Variants in ABLIM1 observed in about 807,000 individuals in gnomAD.
ABLIM1 encodes actin-binding LIM protein 1.
Under a neutral mutation model 107.0 loss-of-function variants are expected in ABLIM1, and 40 were observed. That is an observed-to-expected ratio of 0.37 (90% CI 0.29 to 0.49). ABLIM1 has a LOEUF of 0.49. Among genes scored for constraint, ABLIM1 ranks in the 20% least tolerant of loss-of-function variants. The pLI, the probability that ABLIM1 is intolerant of heterozygous loss-of-function variation, is 0.97. For missense variants in ABLIM1, 857 were observed against 1,008.5 expected, an observed-to-expected ratio of 0.85 and a Z score of 2.04; for synonymous variants, 357 against 357.3, an observed-to-expected ratio of 1.00 and a Z score of 0.01.
chr10:114,744,440 A>G (rs1454233550), intron 1 of ABLIM1, among the ~76,000 whole-genome samples: 1 of 152,210 alleles, frequency 6.6e-6, no homozygotes, highest in Non-Finnish European at 1.5e-5. Context: ...AATGAAATCA[A>G]AGGCATACAA....
intron 6 of ABLIM1, chr10:114,526,536 C>G: frequency 1.4e-6 from 1 of 708,926 alleles, no homozygotes; most frequent in Non-Finnish European, 1.7e-6. Context: ...ACTTCTGTCG[C>G]CAGCATCCAG....
chr10:114,613,408 A>G (rs1036156261), intron 1 of ABLIM1, among the ~76,000 whole-genome samples: 1 of 152,196 alleles, frequency 6.6e-6, no homozygotes, highest in Non-Finnish European at 1.5e-5. Context: ...AATTGGCTGC[A>G]GTGGAAGCAT....
intron 2 of ABLIM1, among the ~76,000 whole-genome samples, chr10:114,590,258 C>G (rs192087048): frequency 6.6e-6 from 1 of 152,208 alleles, no homozygotes; most frequent in African/African-American, 2.4e-5. Context: ...TGATGTGTCT[C>G]TTAGAACATA....
chr10:114,447,565 C>G (rs554077310), intron 15 of ABLIM1, among the ~76,000 whole-genome samples: 1 of 152,332 alleles, frequency 6.6e-6, no homozygotes, highest in South Asian at 2.1e-4. Flanking sequence ...AAGGCTTTCA[C>G]TCAACTATGT....
At chr10:114,719,031 T>C (rs527578989) in intron 1 of ABLIM1, among the ~76,000 whole-genome samples, 65 of 152,272 alleles carry the variant, frequency 4.3e-4, no homozygotes, top group African/African-American at 1.5e-3. Flanking sequence ...ATGTACGTTA[T>C]TATATAATAA....
chr10:114,704,121 G>A (rs776026116), intron 1 of ABLIM1, among the ~76,000 whole-genome samples: 3 of 151,660 alleles, frequency 2.0e-5, no homozygotes, highest in Non-Finnish European at 4.4e-5. Flanking sequence ...AGATCAACAT[G>A]GAGTGACTTT....
chr10:114,580,178 C>T (rs1308238611), intron 2 of ABLIM1, among the ~76,000 whole-genome samples: 3 of 145,310 alleles, frequency 2.1e-5, no homozygotes, highest in South Asian at 4.4e-4. Context: ...TAACCCACTC[C>T]TTTATTTTAA....
rs538365140 is a variant in ABLIM1 at position 114,741,166 on chromosome 10, C to T, written c.-213+26895G>A. ...ATTTACCATAGTGGTATAGTATTTA[C>T]AAGTCACCCTAAAGATTCTGCTTGA... On this transcript the variant is annotated intron_variant, in intron 1 of 15. Transcript: ENST00000651092. Among the ~76,000 whole-genome samples the T allele has an allele frequency of 6.9e-5, 10 of 145,756 alleles. No individual in the cohort carries two copies. The South Asian group carries it at 1.5e-3, about 22-fold the overall frequency.
At chr10:114,571,808 C>T (rs1358168222) in intron 3 of ABLIM1, among the ~76,000 whole-genome samples, 1 of 152,154 alleles carries the variant, frequency 6.6e-6, no homozygotes, top group Non-Finnish European at 1.5e-5. Context: ...GACCTGGCTA[C>T]AGGTCAAGCA....
intron 1 of ABLIM1, among the ~76,000 whole-genome samples, chr10:114,734,777 C>T (rs1009463895): frequency 2.0e-5 from 3 of 152,128 alleles, no homozygotes; most frequent in Non-Finnish European, 4.4e-5. Context: ...CGGGAGGTTT[C>T]CTGAGGGTTG....
At chr10:114,588,405 A>G (rs2074420732) in intron 2 of ABLIM1, among the ~76,000 whole-genome samples, 1 of 152,032 alleles carries the variant, frequency 6.6e-6, no homozygotes, top group South Asian at 2.1e-4. Flanking sequence ...CTAGGCCACA[A>G]AGGCCATGAT....
At chr10:114,524,269 C>T (rs1363107812) in intron 6 of ABLIM1, among the ~76,000 whole-genome samples, 3 of 152,186 alleles carry the variant, frequency 2.0e-5, no homozygotes, top group Non-Finnish European at 2.9e-5. Flanking sequence ...CAGCTTCATG[C>T]ATTTTGTAAT....
intron 4 of ABLIM1, among the ~76,000 whole-genome samples, chr10:114,558,274 T>C (rs933122928): frequency 3.3e-5 from 5 of 152,150 alleles, no homozygotes; most frequent in African/African-American, 9.7e-5. Context: ...GTTGTTTTCC[T>C]TTCCTCTGGA....
At chr10:114,441,175 T>A in intron 18 of ABLIM1, 98 bp from the exon 19 acceptor site, 1 of 1,284,318 alleles carries the variant, frequency 7.8e-7, no homozygotes, top group Non-Finnish European at 1.1e-6. Context: ...TAGGAATTCT[T>A]CCCAAGCTAA....
At chr10:114,748,580 C>CAA (rs34184273) in intron 1 of ABLIM1, among the ~76,000 whole-genome samples, 2 of 131,478 alleles carry the variant, frequency 1.5e-5, no homozygotes, top group Non-Finnish European at 3.2e-5. Flanking sequence ...TTGCCTGTTT[C>CAA]AAAAAAAAAA....
chr10:114,658,220 C>A lies in ABLIM1; in HGVS notation c.-20G>T. On this transcript the variant is annotated 5_prime_UTR_variant, in exon 1 of 23. Transcript: ENST00000533213. ...AGGCATCTTGGCATGGATTTCCAAG[C>A]AATGAGAAATGGGGAGTGGGGACCC... is the stretch of plus-strand genomic sequence containing the variant. 6.3e-7 allele frequency: 1 copy of A among 1,592,620 alleles called. No homozygotes were observed.
intron 12 of ABLIM1, among the ~76,000 whole-genome samples, chr10:114,460,166 G>A (rs2063567811): frequency 6.6e-6 from 1 of 152,118 alleles, no homozygotes; most frequent in Admixed American, 6.5e-5. Flanking sequence ...TGGGGAGGAG[G>A]GGGCCTGGGT....
chr10:114,691,082 T>C (rs2081067126), intron 1 of ABLIM1, among the ~76,000 whole-genome samples: 1 of 152,222 alleles, frequency 6.6e-6, no homozygotes, highest in South Asian at 2.1e-4. Flanking sequence ...TAAGGACAAT[T>C]ATGAATCCCT....
intron 8 of ABLIM1, chr10:114,485,246 G>A (rs1465886016): frequency 5.0e-6 from 7 of 1,401,318 alleles, no homozygotes; most frequent in Non-Finnish European, 6.7e-6. Flanking sequence ...AGCAACAGAA[G>A]CCTGGGCCCA....
Sources: allele counts gnomAD v4.1 joint callset (sites outside exome capture counted in the v4.1 genomes callset), GRCh38; gene constraint gnomAD v4.1.1; transcripts MANE v1.5; gene names NCBI Gene and HGNC (gene_info 2026-07-23, HGNC 2026-07-21).